PPP4R1: variants seen among roughly 807,000 people sequenced by gnomAD.
The protein encoded by PPP4R1 is protein phosphatase 4 regulatory subunit 1, also known as serine/threonine-protein phosphatase 4 regulatory subunit 1.
PPP4R1 carries 42 observed loss-of-function variants against 111.2 expected under a neutral mutation model. The ratio of observed to expected loss-of-function variants is 0.38; its 90% CI spans 0.29 to 0.49. The LOEUF (loss-of-function observed/expected upper bound fraction) is 0.49. PPP4R1 is among the 20% of genes least tolerant of loss of function. PPP4R1 has a pLI of 0.97. For missense variants in PPP4R1, 1,012 were observed against 1,161.6 expected, an observed-to-expected ratio of 0.87 and a Z score of 1.87; for synonymous variants, 409 against 405.5, an observed-to-expected ratio of 1.01 and a Z score of -0.10.
rs2066424698 is a variant in PPP4R1, at chr18:9,547,888, C to T, written c.2754G>A (p.Gln918=). The change falls in exon 20 of 20, where the codon CAG becomes CAA. Residue 918 remains glutamine, a synonymous_variant. Transcript: ENST00000400556. ...ACTTGACATCGCTGTCACGGTCCAT[C>T]TGAAGAGCCATGATGGTCTGCTCCA... ...EAVEQTIMAL[Q]MDRDSDVKYF... The T allele has an allele frequency of 6.2e-7, 1 of 1,613,996 alleles. No homozygotes were observed. The highest frequency in any genetic ancestry group is 8.5e-7 in the Non-Finnish European group (1 of 1,180,034).
chr18:9,581,978 G>A (rs1019368348), intron 9 of PPP4R1, among the ~76,000 whole-genome samples: 1 of 151,980 alleles, frequency 6.6e-6, no homozygotes, highest in Non-Finnish European at 1.5e-5. Context: ...GTGAAATAAG[G>A]ACATTCACAG....
At chr18:9,566,648 GACACACACACACACACACAC>G (rs56772611) in intron 11 of PPP4R1, among the ~76,000 whole-genome samples, 143 of 144,228 alleles carry the variant, frequency 9.9e-4, no homozygotes, top group South Asian at 4.1e-3. Flanking sequence ...GAGGCGCTGT[GACACACACACACACACACAC>G]ACACACACAC....
Position 9,584,612 on chromosome 18 carries a change from A to G in PPP4R1, c.694-32T>C. 2.5e-6 allele frequency: 4 copies of G among 1,608,728 alleles called. No homozygotes were observed. The East Asian group carries it at 8.9e-5, about 36-fold the overall frequency. On this transcript the variant is annotated intron_variant, in intron 7 of 19. Coordinates refer to ENST00000400556, the MANE Select transcript of PPP4R1 (RefSeq NM_001042388.3). ...ACAAAAGCATCATTGACATTTCAAA[A>G]TATTACACATAAGGTTCTTCTAAGA...
chr18:9,588,385 T>G (rs2067155791), intron 5 of PPP4R1, 150 bp from the exon 6 acceptor site: 2 of 952,406 alleles, frequency 2.1e-6, no homozygotes, highest in Admixed American at 5.7e-5. Context: ...TTTCTTCAAC[T>G]ATTACAAAGA....
chr18:9,557,716 A>G (rs951936463), intron 14 of PPP4R1, among the ~76,000 whole-genome samples: 4 of 152,174 alleles, frequency 2.6e-5, no homozygotes, highest in Admixed American at 6.5e-5. Context: ...TCTTCCATAC[A>G]TAATTTCCTG....
At chr18:9,563,796 A>T (rs1041322529) in intron 11 of PPP4R1, 2 of 308,510 alleles carry the variant, frequency 6.5e-6, no homozygotes, top group Non-Finnish European at 1.2e-5. Flanking sequence ...CTGCGTTAGT[A>T]TGAAAAGAGA....
chr18:9,594,345 G>C (rs2067258926), intron 3 of PPP4R1: 1 of 152,196 alleles, frequency 6.6e-6, no homozygotes, highest in African/African-American at 2.4e-5. Context: ...CGGCAGTATT[G>C]ATTTTATTTT....
chr18:9,550,552 T>G (rs986865017), intron 16 of PPP4R1, 154 bp from the exon 17 acceptor site: 5 of 763,476 alleles, frequency 6.5e-6, no homozygotes, highest in African/African-American at 1.8e-5. Flanking sequence ...TCCTGTACAG[T>G]TACCTCCAGT....
upstream of PPP4R1, among the ~76,000 whole-genome samples, chr18:9,616,446 T>C (rs1201733666): frequency 6.6e-6 from 1 of 152,142 alleles, no homozygotes; most frequent in African/African-American, 2.4e-5. Context: ...AATTTATTTT[T>C]AAAATTTTTT....
intron 15 of PPP4R1, among the ~76,000 whole-genome samples, chr18:9,554,674 T>G (rs999836814): frequency 1.6e-4 from 25 of 152,196 alleles, no homozygotes; most frequent in African/African-American, 6.0e-4. Flanking sequence ...GCACTTCCAG[T>G]GCCTGGATCT....
intron 15 of PPP4R1, among the ~76,000 whole-genome samples, chr18:9,553,891 A>G (rs1474584020): frequency 6.6e-6 from 1 of 152,254 alleles, no homozygotes; most frequent in Non-Finnish European, 1.5e-5. Context: ...TTTAAAGGTA[A>G]GTTTATAAAC....
At chr18:9,558,822 T>A (rs956733132) in intron 14 of PPP4R1, among the ~76,000 whole-genome samples, 14 of 151,990 alleles carry the variant, frequency 9.2e-5, no homozygotes, top group African/African-American at 3.4e-4. Context: ...TCATCAAGCC[T>A]GGGAAGAGGT....
chr18:9,589,092 T>C (rs1322593395), intron 4 of PPP4R1, among the ~76,000 whole-genome samples: 1 of 152,208 alleles, frequency 6.6e-6, no homozygotes, highest in Non-Finnish European at 1.5e-5. Flanking sequence ...ACTGAGTATC[T>C]AACCATTTCT....
chr18:9,615,823 T>C (rs1239889115), upstream of PPP4R1, among the ~76,000 whole-genome samples: 1 of 152,224 alleles, frequency 6.6e-6, no homozygotes, highest in Non-Finnish European at 1.5e-5. Context: ...TTAATGCCAC[T>C]GAAGATTTAA....
At chr18:9,551,133 C>G (rs1306779986) in intron 16 of PPP4R1, 1 of 152,156 alleles carries the variant, frequency 6.6e-6, no homozygotes, top group Non-Finnish European at 1.5e-5. Context: ...TGACAAAATT[C>G]AAAATAAAAA....
chr18:9,565,345 TAA>T (rs1355298032), intron 11 of PPP4R1, among the ~76,000 whole-genome samples: 2 of 152,128 alleles, frequency 1.3e-5, no homozygotes, highest in Non-Finnish European at 2.9e-5. Flanking sequence ...TCAACAATAT[TAA>T]AATTGGGCCA....
At position 9,547,730 on chromosome 18, in the gene PPP4R1, G is replaced by A. The variant is rs186768580; in HGVS notation, c.*59C>T. On this transcript the variant is annotated 3_prime_UTR_variant, in exon 20 of 20. Coordinates refer to ENST00000400556, the MANE Select transcript of PPP4R1 (RefSeq NM_001042388.3). Reference sequence around the variant, plus strand: ...AGCTATCCCAGGTCACATGCGTGGCGAATGCCCACTGAACCTCGGCTCTCA... The same window carrying A: ...AGCTATCCCAGGTCACATGCGTGGCAAATGCCCACTGAACCTCGGCTCTCA... The A allele has an allele frequency of 8.2e-6, 13 of 1,587,588 alleles. No homozygotes were observed. The highest frequency in any genetic ancestry group is 2.3e-4 in the Middle Eastern group (1 of 4,374).
At chr18:9,560,278 C>T (rs2066652241) in intron 13 of PPP4R1, among the ~76,000 whole-genome samples, 1 of 151,824 alleles carries the variant, frequency 6.6e-6, no homozygotes. Context: ...GAGACTCTGT[C>T]TCAAAACAAA....
intron 10 of PPP4R1, among the ~76,000 whole-genome samples, chr18:9,571,744 A>AG (rs1291873430): frequency 6.6e-6 from 1 of 152,192 alleles, no homozygotes; most frequent in Non-Finnish European, 1.5e-5. Flanking sequence ...GTGGCAGAAA[A>AG]GGTGTGACGC....
Sources: gnomAD v4.1 joint callset for allele counts (sites outside exome capture counted in the v4.1 genomes callset) on GRCh38, gnomAD v4.1.1 for gene constraint, MANE v1.5 for transcripts, NCBI Gene and HGNC (gene_info 2026-07-23, HGNC 2026-07-21) for gene names.